The following STMN2 variants were observed in gnomAD, a reference collection of about 807,000 sequenced individuals.
STMN2 encodes stathmin 2, also known as stathmin-2.
STMN2 carries 2 observed loss-of-function variants against 24.1 expected under a neutral mutation model. The ratio of observed to expected loss-of-function variants is 0.08; its 90% CI spans 0.03 to 0.26. The LOEUF is 0.26. Among genes scored for constraint, STMN2 ranks in the 10% least tolerant of loss-of-function variants. The pLI is 1.00. For synonymous variants in STMN2, 83 were observed against 77.5 expected (o/e 1.07, Z -0.37); for missense variants, 114 against 213.6 (o/e 0.53, Z 2.91).
intron 1 of STMN2, among the ~76,000 whole-genome samples, chr8:79,626,827 A>G (rs1323115022): frequency 6.6e-6 from 1 of 152,234 alleles, no homozygotes; most frequent in Non-Finnish European, 1.5e-5. Context: ...AGTTGCAAAG[A>G]AATGATTAGC....
At chr8:79,619,113 G>A (rs1235144908) in intron 1 of STMN2, among the ~76,000 whole-genome samples, 1 of 151,700 alleles carries the variant, frequency 6.6e-6, no homozygotes, top group Non-Finnish European at 1.5e-5. Flanking sequence ...CTGCAAGAGT[G>A]CCCATTTAGC....
At chr8:79,646,738 T>C (rs1810226073) in intron 3 of STMN2, among the ~76,000 whole-genome samples, 1 of 152,184 alleles carries the variant, frequency 6.6e-6, no homozygotes, top group Non-Finnish European at 1.5e-5. Context: ...TAAAGCCATT[T>C]CACTACTTTA....
At chr8:79,634,098 T>C (rs1809880957) in intron 1 of STMN2, among the ~76,000 whole-genome samples, 1 of 152,216 alleles carries the variant, frequency 6.6e-6, no homozygotes, top group Non-Finnish European at 1.5e-5. Flanking sequence ...CATGTGTTTC[T>C]AATATGTGCT....
intron 1 of STMN2, among the ~76,000 whole-genome samples, chr8:79,625,742 G>C (rs182938244): frequency 4.2e-4 from 64 of 152,250 alleles, no homozygotes; most frequent in African/African-American, 1.3e-3. Flanking sequence ...TGGATCACCT[G>C]AGTTCAGGAG....
At chr8:79,620,771 G>T (rs1809498357) in intron 1 of STMN2, among the ~76,000 whole-genome samples, 1 of 152,056 alleles carries the variant, frequency 6.6e-6, no homozygotes, top group Admixed American at 6.6e-5. Context: ...TCTGGCCAGA[G>T]AATTCTTTAA....
At chr8:79,627,481 A>G (rs1262031079) in intron 1 of STMN2, among the ~76,000 whole-genome samples, 3 of 152,226 alleles carry the variant, frequency 2.0e-5, no homozygotes, top group Non-Finnish European at 2.9e-5. Flanking sequence ...AGTATCAAGA[A>G]TTCAAAGGGA....
chr8:79,650,052 C>T (rs368559011), intron 3 of STMN2, among the ~76,000 whole-genome samples: 3 of 152,150 alleles, frequency 2.0e-5, no homozygotes, highest in Admixed American at 1.3e-4. Flanking sequence ...ATAGCAAGAT[C>T]GAGAAGGTTC....
At chr8:79,656,346 T>C (rs1291751005) in intron 4 of STMN2, among the ~76,000 whole-genome samples, 1 of 152,152 alleles carries the variant, frequency 6.6e-6, no homozygotes, top group Non-Finnish European at 1.5e-5. Context: ...ATCCGAAACA[T>C]GAAAGTTCGG....
At chr8:79,633,859 TAC>T (rs1286209456) in intron 1 of STMN2, among the ~76,000 whole-genome samples, 2 of 152,240 alleles carry the variant, frequency 1.3e-5, no homozygotes, top group Non-Finnish European at 2.9e-5. Flanking sequence ...TGATAGTTTT[TAC>T]ACTCACTTCT....
chr8:79,664,947 C>A lies in STMN2; in HGVS notation c.*73C>A. The A allele has an allele frequency of 2.3e-6, 3 of 1,319,300 alleles. No homozygotes were observed. Among genetic ancestry groups the A allele is most frequent in the South Asian group, 1.4e-5 (1 of 69,644 alleles). The allele number at this position is 1,319,300 out of a possible 1,614,324, so 81.7% of individuals were successfully genotyped here. ...TATATTATAATGGATCATGCGATAT[C>A]AGGATGGGGAATGTATGACATGGTT... On this transcript the variant is annotated 3_prime_UTR_variant, in exon 5 of 5. Coordinates refer to ENST00000220876, the MANE Select transcript of STMN2 (RefSeq NM_007029.4).
intron 1 of STMN2, among the ~76,000 whole-genome samples, chr8:79,620,354 T>C (rs538305860): frequency 1.4e-4 from 22 of 152,056 alleles, no homozygotes; most frequent in South Asian, 4.2e-4. Context: ...TAATAAAACA[T>C]GCACAGTGAG....
At chr8:79,612,820 A>G (rs1283589444) in intron 1 of STMN2, among the ~76,000 whole-genome samples, 2 of 151,890 alleles carry the variant, frequency 1.3e-5, no homozygotes, top group African/African-American at 4.8e-5. Context: ...AGGCTCCGAG[A>G]CTGGCGGGGA....
rs1339283890 is a variant in STMN2, at chr8:79,636,896, T to C, written c.114T>C (p.Asp38=). 2.5e-6 allele frequency: 4 copies of C among 1,613,542 alleles called. No homozygotes were observed. The highest frequency in any genetic ancestry group is 1.7e-5 in the Admixed American group (1 of 59,988). Residue 38 remains aspartate, a splice_region_variant and synonymous_variant, in exon 2 of 5, where the codon GAT becomes GAC. Transcript: ENST00000220876. The part of the protein sequence containing the change: ...EPRNINIYTY[D]DMEVKQINKR... ...GCAACATCAACATCTATACTTACGA[T>C]GGTGAGTAACCTAGGATAGACATAC...
At position 79,665,065 on chromosome 8, in the gene STMN2, T is replaced by C. The variant is rs1806574884; in HGVS notation, c.*191T>C. 1 of 417,714 alleles carries C rather than the reference T, an allele frequency of 2.4e-6. No homozygotes were observed. The highest frequency in any genetic ancestry group is 5.4e-5 in the South Asian group (1 of 18,382). 25.9% of individuals were successfully genotyped at this position (417,714 alleles called of 1,614,324 possible). On this transcript the variant is annotated 3_prime_UTR_variant, in exon 5 of 5. Coordinates refer to ENST00000220876, the MANE Select transcript of STMN2 (RefSeq NM_007029.4). ...TCTTTGCAGAATGTTTTGCTTGATG[T>C]TTAAAAAATACCTTGGATCTTATTT...
In STMN2 at chr8:79,664,246, G is replaced by T. The variant is rs565705969; in HGVS notation, c.481-569G>T. Among the ~76,000 whole-genome samples, 6 of 152,334 alleles carry T rather than the reference G, an allele frequency of 3.9e-5. No individual in the cohort carries two copies. The East Asian group carries it at 1.2e-3, about 29-fold the overall frequency. Reference sequence around the variant, plus strand: ...ATAATCCTGACCAGTGGAGATGAAAGACTAGCATTGAAAATTGCATGACAA... The same window carrying T: ...ATAATCCTGACCAGTGGAGATGAAATACTAGCATTGAAAATTGCATGACAA... On this transcript the variant is annotated intron_variant, in intron 4 of 4. Coordinates refer to ENST00000220876, the MANE Select transcript of STMN2 (RefSeq NM_007029.4).
chr8:79,655,167 G>T lies in STMN2; in HGVS notation c.480+105G>T. ...GAGACGAAGTCAAAATTTGCTGCAGGTGTGAGGACAACTAACTCCCATGGG... is the reference window on the plus strand; with the variant it reads ...GAGACGAAGTCAAAATTTGCTGCAGTTGTGAGGACAACTAACTCCCATGGG... On this transcript the variant is annotated intron_variant, in intron 4 of 4. Coordinates refer to ENST00000220876, the MANE Select transcript of STMN2 (RefSeq NM_007029.4). 3.0e-6 allele frequency: 4 copies of T among 1,354,482 alleles called. No individual in the cohort carries two copies. In the South Asian group the frequency reaches 5.7e-5, roughly 19 times the overall value. The allele number at this position is 1,354,482 out of a possible 1,614,324, so 83.9% of individuals were successfully genotyped here.
intron 2 of STMN2, among the ~76,000 whole-genome samples, chr8:79,638,624 G>T (rs1252038554): frequency 1.3e-5 from 2 of 152,146 alleles, no homozygotes; most frequent in Non-Finnish European, 2.9e-5. Context: ...TAAGCACTAA[G>T]TATATGGCTT....
At chr8:79,641,622 ATGCACG>A in intron 3 of STMN2, 72 bp downstream of exon 3, 8 of 877,232 alleles carry the variant, frequency 9.1e-6, no homozygotes, top group Non-Finnish European at 1.2e-5. Flanking sequence ...TCGGGCACAC[ATGCACG>A]CACACACACA....
chr8:79,636,206 C>T (rs1002876451), intron 1 of STMN2, among the ~76,000 whole-genome samples: 9 of 151,974 alleles, frequency 5.9e-5, no homozygotes, highest in African/African-American at 2.2e-4. Flanking sequence ...AACAGAGCAA[C>T]TCTGTCTCAA....
Sources: gnomAD v4.1 joint callset for allele counts (sites outside exome capture counted in the v4.1 genomes callset) on GRCh38, gnomAD v4.1.1 for gene constraint, MANE v1.5 for transcripts, NCBI Gene and HGNC (gene_info 2026-07-23, HGNC 2026-07-21) for gene names.